The following IL1RAPL2 variants were observed in gnomAD, a reference collection of about 807,000 sequenced individuals.
IL1RAPL2 encodes interleukin 1 receptor accessory protein like 2, also known as X-linked interleukin-1 receptor accessory protein-like 2.
Under a neutral mutation model 44.1 loss-of-function variants are expected in IL1RAPL2, and 3 were observed. That is an observed-to-expected ratio of 0.07 (90% confidence interval 0.03 to 0.18). The LOEUF (loss-of-function observed/expected upper bound fraction) is 0.18, where lower values mean the gene tolerates loss of function less well. IL1RAPL2 is among the 10% of genes least tolerant of loss of function. The probability of loss-of-function intolerance (pLI) is 1.00; values close to 1 mark genes in which losing one functional copy is unlikely to be tolerated. For synonymous variants in IL1RAPL2, 181 were observed against 178.8 expected (o/e 1.01, Z -0.10); for missense variants, 391 against 496.4 (o/e 0.79, Z 2.02).
At chrX:105,722,764 TGTATTAGTCAAA>T (rs1171366169) in intron 7 of IL1RAPL2, among the ~76,000 whole-genome samples, 20 of 111,460 alleles carry the variant, frequency 1.8e-4, no homozygotes, top group Non-Finnish European at 2.1e-4. Context: ...ACAACAGAAA[TGTATTAGTCAAA>T]GTTCTGGAGG....
intron 3 of IL1RAPL2, among the ~76,000 whole-genome samples, chrX:105,226,850 C>T (rs1161652911): frequency 9.1e-6 from 1 of 110,147 alleles, no homozygotes; most frequent in South Asian, 3.9e-4. Context: ...GGATTTGAAC[C>T]CAAGTCTAAC....
At chrX:105,586,238 A>G (rs998164519) in intron 6 of IL1RAPL2, among the ~76,000 whole-genome samples, 8 of 112,026 alleles carry the variant, frequency 7.1e-5, no homozygotes, top group African/African-American at 2.6e-4. Context: ...TGGCCAACAA[A>G]CAGAAAAAAA....
intron 1 of IL1RAPL2, among the ~76,000 whole-genome samples, chrX:104,596,421 A>C (rs1021747570): frequency 1.1e-4 from 12 of 111,774 alleles, no homozygotes; most frequent in African/African-American, 3.3e-4. Flanking sequence ...CCAGGCTTAG[A>C]ATCCTTGGCT....
At chrX:104,738,702 G>A (rs949604622) in intron 2 of IL1RAPL2, among the ~76,000 whole-genome samples, 16 of 111,760 alleles carry the variant, frequency 1.4e-4, no homozygotes, top group Non-Finnish European at 3.0e-4. Flanking sequence ...TGCTTTGGGA[G>A]GCTGAGGTGG....
chrX:105,218,604 T>C (rs1556170983), intron 3 of IL1RAPL2, among the ~76,000 whole-genome samples: 1 of 110,305 alleles, frequency 9.1e-6, no homozygotes, highest in African/African-American at 3.3e-5. Context: ...GAGCGAGACA[T>C]ACACAAATAA....
intron 2 of IL1RAPL2, among the ~76,000 whole-genome samples, chrX:105,042,006 G>A (rs948471664): frequency 4.5e-5 from 5 of 110,539 alleles, no homozygotes; most frequent in East Asian, 2.8e-4. Flanking sequence ...AATGGTGCTG[G>A]GAAAACTGGC....
At chrX:105,483,938 G>A (rs2036248875) in intron 5 of IL1RAPL2, among the ~76,000 whole-genome samples, 2 of 111,204 alleles carry the variant, frequency 1.8e-5, no homozygotes, top group Admixed American at 1.9e-4. Context: ...GTCCGTTAGG[G>A]TAATATTTCA....
At chrX:105,075,568 G>T (rs1040718764) in intron 2 of IL1RAPL2, among the ~76,000 whole-genome samples, 4 of 112,008 alleles carry the variant, frequency 3.6e-5, no homozygotes, top group South Asian at 3.7e-4. Context: ...AAATGAGTTA[G>T]GGAGGATTCC....
intron 6 of IL1RAPL2, among the ~76,000 whole-genome samples, chrX:105,586,234 AC>A (rs1164640412): frequency 2.7e-5 from 3 of 112,069 alleles, no homozygotes; most frequent in African/African-American, 9.7e-5. Flanking sequence ...TATGTGGCCA[AC>A]AAACAGAAAA....
At chrX:105,051,742 G>C (rs2031929085) in intron 2 of IL1RAPL2, among the ~76,000 whole-genome samples, 1 of 112,877 alleles carries the variant, frequency 8.9e-6, no homozygotes, top group South Asian at 3.6e-4. Flanking sequence ...TAGCCGGTGT[G>C]ATGGCAGCAG....
intron 5 of IL1RAPL2, among the ~76,000 whole-genome samples, chrX:105,268,121 G>T (rs2034417961): frequency 9.0e-6 from 1 of 111,577 alleles, no homozygotes; most frequent in South Asian, 3.7e-4. Context: ...ACTTGTTAGA[G>T]AATTTTAGGA....
chrX:104,671,442 C>G (rs1037157593), intron 2 of IL1RAPL2, among the ~76,000 whole-genome samples: 1 of 111,798 alleles, frequency 8.9e-6, no homozygotes, highest in African/African-American at 3.3e-5. Flanking sequence ...TTTGAAGAAC[C>G]ATTTCAAATG....
intron 2 of IL1RAPL2, among the ~76,000 whole-genome samples, chrX:105,163,541 A>G (rs1466750619): frequency 1.8e-5 from 2 of 112,172 alleles, no homozygotes; most frequent in African/African-American, 6.5e-5. Context: ...GTATTTTGGG[A>G]AGGTGAACTG....
At chrX:104,775,866 AAAG>A (rs1320082389) in intron 2 of IL1RAPL2, among the ~76,000 whole-genome samples, 1 of 110,583 alleles carries the variant, frequency 9.0e-6, no homozygotes, top group African/African-American at 3.3e-5. Flanking sequence ...ATGAAAAAAA[AAAG>A]AGAGGGAGAG....
intron 5 of IL1RAPL2, among the ~76,000 whole-genome samples, chrX:105,390,016 T>C (rs189378082): frequency 9.0e-6 from 1 of 111,223 alleles, no homozygotes; most frequent in Non-Finnish European, 1.9e-5. Flanking sequence ...TGTGTGTTCC[T>C]CTGCAGGGAT....
intron 5 of IL1RAPL2, among the ~76,000 whole-genome samples, chrX:105,439,517 C>CAAAAAAAAA (rs11337790): frequency 1.7e-5 from 1 of 59,109 alleles, no homozygotes; most frequent in Non-Finnish European, 3.1e-5. Flanking sequence ...TTTTGCTGTA[C>CAAAAAAAAA]AAAAAAAAAA....
At chrX:105,260,225 AG>A (rs1162306118) in intron 4 of IL1RAPL2, among the ~76,000 whole-genome samples, 2 of 112,171 alleles carry the variant, frequency 1.8e-5, no homozygotes, top group Admixed American at 9.3e-5. Context: ...GGCACTCCAA[AG>A]CCCCAAAGTT....
chrX:105,260,418 G>C (rs1195584252), intron 4 of IL1RAPL2, among the ~76,000 whole-genome samples: 2 of 112,126 alleles, frequency 1.8e-5, no homozygotes, highest in African/African-American at 6.5e-5. Flanking sequence ...GAAAGAAGCA[G>C]TCTCGCCACA....
At chrX:105,740,396 A>C in intron 7 of IL1RAPL2, 150 bp from the exon 8 acceptor site, 1 of 428,212 alleles carries the variant, frequency 2.3e-6, no homozygotes, top group Non-Finnish European at 4.0e-6. Flanking sequence ...GTTTTCTTGT[A>C]GAAGGTCCCA....
Sources: allele counts gnomAD v4.1 joint callset (sites outside exome capture counted in the v4.1 genomes callset), GRCh38; gene constraint gnomAD v4.1.1; transcripts MANE v1.5; gene names NCBI Gene and HGNC (gene_info 2026-07-23, HGNC 2026-07-21).